The following HIBADH variants were observed in gnomAD, a reference collection of about 807,000 sequenced individuals.
The protein encoded by HIBADH is 3-hydroxyisobutyrate dehydrogenase.
A neutral mutation model predicts 36.1 loss-of-function variants in HIBADH; 25 were observed. That is an observed-to-expected ratio of 0.69 (90% confidence interval 0.50 to 0.97). The LOEUF (loss-of-function observed/expected upper bound fraction) is 0.97. Ranked by LOEUF, HIBADH falls within the 50% of genes least tolerant of loss-of-function variation. The pLI is 0.00. For missense variants in HIBADH, 421 were observed against 418.0 expected (o/e 1.01, Z -0.06); for synonymous variants, 160 against 149.5 (o/e 1.07, Z -0.51).
chr7:27,563,993 G>A (rs1290609682), intron 4 of HIBADH, among the ~76,000 whole-genome samples: 1 of 150,972 alleles, frequency 6.6e-6, no homozygotes, highest in Non-Finnish European at 1.5e-5. Flanking sequence ...CTGCCTCCCG[G>A]ATTCACGCCA....
intron 4 of HIBADH, among the ~76,000 whole-genome samples, chr7:27,620,785 T>C (rs1423527691): frequency 6.6e-6 from 1 of 151,910 alleles, no homozygotes; most frequent in Non-Finnish European, 1.5e-5. Flanking sequence ...CACCATGCCA[T>C]AATGACTAAC....
At chr7:27,620,004 T>C (rs1785509170) in intron 4 of HIBADH, among the ~76,000 whole-genome samples, 2 of 152,184 alleles carry the variant, frequency 1.3e-5, no homozygotes, top group African/African-American at 4.8e-5. Flanking sequence ...TCTTCTTCAC[T>C]ACACATTTTA....
At chr7:27,654,391 G>C (rs1039564935) in intron 1 of HIBADH, among the ~76,000 whole-genome samples, 1 of 152,018 alleles carries the variant, frequency 6.6e-6, no homozygotes, top group Non-Finnish European at 1.5e-5. Context: ...GGAACTCTAT[G>C]AACCCCAATA....
intron 2 of HIBADH, among the ~76,000 whole-genome samples, chr7:27,639,940 C>T (rs1036856688): frequency 1.3e-5 from 2 of 152,044 alleles, no homozygotes; most frequent in Non-Finnish European, 2.9e-5. Flanking sequence ...AAAAGAGATA[C>T]GTTCTGAGAA....
At chr7:27,600,922 G>A (rs1055539804) in intron 4 of HIBADH, among the ~76,000 whole-genome samples, 8 of 152,106 alleles carry the variant, frequency 5.3e-5, no homozygotes, top group African/African-American at 1.9e-4. Flanking sequence ...CCAGACTACT[G>A]AATTCTCGTT....
chr7:27,586,225 C>G (rs982850846), intron 4 of HIBADH, among the ~76,000 whole-genome samples: 1 of 152,178 alleles, frequency 6.6e-6, no homozygotes, highest in South Asian at 2.1e-4. Context: ...ACATTCTTTC[C>G]ATTCCAACTG....
Position 27,526,203 on chromosome 7 carries a change from A to G in HIBADH, c.*11T>C. 1 of 1,596,930 alleles carries G rather than the reference A, an allele frequency of 6.3e-7. No homozygotes were observed. Among genetic ancestry groups the G allele is most frequent in the Non-Finnish European group, 8.5e-7 (1 of 1,172,616 alleles). On this transcript the variant is annotated 3_prime_UTR_variant, in exon 8 of 8. Transcript: ENST00000265395. ...TTGGTTCCCAACAGTGTCCGTGGCC[A>G]AAGGGCACACTCAGAAGGTCTCCTC...
intron 4 of HIBADH, among the ~76,000 whole-genome samples, chr7:27,601,281 A>G (rs947050656): frequency 1.3e-5 from 2 of 152,094 alleles, no homozygotes; most frequent in African/African-American, 4.8e-5. Flanking sequence ...GAAACTACTG[A>G]AAGATTATAT....
rs942784755 is a variant in HIBADH, at chr7:27,525,735, C to A, written c.*479G>T. 1 of 152,188 alleles carries A rather than the reference C, an allele frequency of 6.6e-6. No homozygotes were observed. The highest frequency in any genetic ancestry group is 2.1e-4 in the South Asian group (1 of 4,824). The allele number at this position is 152,188 out of a possible 1,614,324, so 9.4% of individuals were successfully genotyped here. On this transcript the variant is annotated 3_prime_UTR_variant, in exon 8 of 8. Transcript: ENST00000265395. ...GCTCCCTGGAAAATAAACCAGTAAC[C>A]CTGGTAGTGCAGTAACCATTTGGTT...
chr7:27,645,060 C>T (rs939355936), intron 2 of HIBADH, among the ~76,000 whole-genome samples: 4 of 152,068 alleles, frequency 2.6e-5, no homozygotes, highest in African/African-American at 4.8e-5. Context: ...ACATTCTATC[C>T]GCTGATAGAT....
intron 1 of HIBADH, among the ~76,000 whole-genome samples, chr7:27,656,456 G>A (rs1786307155): frequency 6.6e-6 from 1 of 151,886 alleles, no homozygotes; most frequent in Non-Finnish European, 1.5e-5. Flanking sequence ...AATGAAATGT[G>A]CAAATGTTTA....
chr7:27,617,869 G>C (rs1785458382), intron 4 of HIBADH, among the ~76,000 whole-genome samples: 1 of 152,196 alleles, frequency 6.6e-6, no homozygotes, highest in African/African-American at 2.4e-5. Context: ...CATCCCCCAA[G>C]ACCTGAATGG....
At chr7:27,542,447 T>G (rs1194637241) in intron 5 of HIBADH, among the ~76,000 whole-genome samples, 2 of 139,914 alleles carry the variant, frequency 1.4e-5, no homozygotes, top group Admixed American at 7.2e-5. Context: ...CGTTTTTTTT[T>G]TTTTTTTTTT....
At chr7:27,643,536 A>G (rs1785999320) in intron 2 of HIBADH, among the ~76,000 whole-genome samples, 1 of 152,248 alleles carries the variant, frequency 6.6e-6, no homozygotes, top group African/African-American at 2.4e-5. Context: ...AAACAAGCGT[A>G]TAGAGACACT....
chr7:27,616,359 G>A (rs1164616329), intron 4 of HIBADH, among the ~76,000 whole-genome samples: 1 of 152,150 alleles, frequency 6.6e-6, no homozygotes, highest in Admixed American at 6.5e-5. Context: ...GAGGTCTGGA[G>A]GGCTCATATA....
chr7:27,565,977 A>G (rs1784542904), intron 4 of HIBADH, among the ~76,000 whole-genome samples: 1 of 152,158 alleles, frequency 6.6e-6, no homozygotes, highest in Non-Finnish European at 1.5e-5. Context: ...TTAATATTAC[A>G]AAGACTGATT....
intron 4 of HIBADH, among the ~76,000 whole-genome samples, chr7:27,574,411 C>G (rs1382091246): frequency 6.6e-6 from 1 of 151,794 alleles, no homozygotes; most frequent in Non-Finnish European, 1.5e-5. Context: ...TAGGGATATT[C>G]TCAATATATG....
intron 5 of HIBADH, among the ~76,000 whole-genome samples, chr7:27,539,612 C>T (rs1784116814): frequency 6.6e-6 from 1 of 152,024 alleles, no homozygotes; most frequent in South Asian, 2.1e-4. Flanking sequence ...TGGGTTATTG[C>T]TGCGTGATTG....
rs370240664 is a variant in HIBADH at position 27,549,461 on chromosome 7, T to C, written c.485-6361A>G. Among the ~76,000 whole-genome samples the C allele has an allele frequency of 8.4e-4, 128 of 152,258 alleles. 1 individual carries two copies. The South Asian group carries it at 8.9e-3, about 11-fold the overall frequency. On this transcript the variant is annotated intron_variant, in intron 4 of 7. Coordinates refer to ENST00000265395, the MANE Select transcript of HIBADH (RefSeq NM_152740.4). Reference sequence around the variant, plus strand: ...GTATTAAGAATAAAAAAAGAAACCATAGTATCTCACAACAAATCTCAAATA... The same window carrying C: ...GTATTAAGAATAAAAAAAGAAACCACAGTATCTCACAACAAATCTCAAATA...
Sources: allele counts gnomAD v4.1 joint callset (sites outside exome capture counted in the v4.1 genomes callset), GRCh38; gene constraint gnomAD v4.1.1; transcripts MANE v1.5; gene names NCBI Gene and HGNC (gene_info 2026-07-23, HGNC 2026-07-21).